NDST4: variants seen among roughly 807,000 people sequenced by gnomAD.
The protein encoded by NDST4 is N-heparan sulfate sulfotransferase 4.
In NDST4, 63 loss-of-function variants were observed where a neutral mutation model predicts 100.8. The ratio of observed to expected loss-of-function variants is 0.62; its 90% CI spans 0.51 to 0.77. NDST4 has a LOEUF of 0.77. Ranked by LOEUF, NDST4 falls within the 30% of genes least tolerant of loss-of-function variation. The pLI is 0.00. For synonymous variants in NDST4, 377 were observed against 361.8 expected, an observed-to-expected ratio of 1.04 and a Z score of -0.48; for missense variants, 943 against 1,018.4, an observed-to-expected ratio of 0.93 and a Z score of 1.01.
chr4:114,980,020 A>G (rs2126245534), intron 2 of NDST4, among the ~76,000 whole-genome samples: 1 of 152,276 alleles, frequency 6.6e-6, no homozygotes, highest in Non-Finnish European at 1.5e-5. Context: ...AAAATCAGAA[A>G]TAAATTTAAA....
intron 2 of NDST4, among the ~76,000 whole-genome samples, chr4:115,003,944 T>C (rs1016852912): frequency 6.6e-6 from 1 of 152,106 alleles, no homozygotes; most frequent in African/African-American, 2.4e-5. Flanking sequence ...AAATAGATGT[T>C]TCCCCTTCTT....
intron 13 of NDST4, among the ~76,000 whole-genome samples, chr4:114,829,287 C>T (rs1164359559): frequency 1.3e-5 from 2 of 152,058 alleles, no homozygotes; most frequent in South Asian, 2.1e-4. Context: ...TTTCGTTTGT[C>T]ATTGTTTTAC....
intron 4 of NDST4, 53 bp downstream of exon 4, chr4:114,970,374 TCCA>T (rs1454426857): frequency 2.0e-6 from 3 of 1,498,094 alleles, no homozygotes; most frequent in Non-Finnish European, 2.7e-6. Context: ...ATTTTACACT[TCCA>T]CCACAAGATC....
At chr4:115,048,741 G>C (rs1457981074) in intron 2 of NDST4, among the ~76,000 whole-genome samples, 1 of 152,062 alleles carries the variant, frequency 6.6e-6, no homozygotes, top group Non-Finnish European at 1.5e-5. Context: ...TGGTTCAAGC[G>C]ATTCTCCTGT....
chr4:115,004,426 G>A (rs1433108456), intron 2 of NDST4, among the ~76,000 whole-genome samples: 1 of 152,124 alleles, frequency 6.6e-6, no homozygotes, highest in African/African-American at 2.4e-5. Context: ...AAGCGAATTT[G>A]CAGACTGCTT....
chr4:114,955,236 G>A (rs1362503740), intron 4 of NDST4, among the ~76,000 whole-genome samples: 3 of 152,136 alleles, frequency 2.0e-5, no homozygotes, highest in Non-Finnish European at 4.4e-5. Flanking sequence ...GAACCTTGGG[G>A]TCAAGGTGAG....
At chr4:115,055,104 T>C (rs1728665974) in intron 2 of NDST4, among the ~76,000 whole-genome samples, 1 of 152,092 alleles carries the variant, frequency 6.6e-6, no homozygotes, top group Non-Finnish European at 1.5e-5. Flanking sequence ...TTGTAAACTG[T>C]ATATGCGAAG....
At chr4:115,069,817 AG>A (rs1276848986) in intron 2 of NDST4, among the ~76,000 whole-genome samples, 9 of 152,188 alleles carry the variant, frequency 5.9e-5, no homozygotes, top group Admixed American at 3.9e-4. Context: ...TGGGAGGTGG[AG>A]GTTGCAGTGA....
At chr4:115,059,392 A>G (rs1285923081) in intron 2 of NDST4, among the ~76,000 whole-genome samples, 1 of 152,094 alleles carries the variant, frequency 6.6e-6, no homozygotes, top group East Asian at 1.9e-4. Context: ...TTACCTTCAT[A>G]TGGAAAAGGG....
At chr4:114,986,617 G>T (rs1340836194) in intron 2 of NDST4, among the ~76,000 whole-genome samples, 1 of 151,496 alleles carries the variant, frequency 6.6e-6, no homozygotes, top group Non-Finnish European at 1.5e-5. Context: ...TCTGCGTCCT[G>T]CACTCTCTTC....
At chr4:114,996,106 T>G (rs560839344) in intron 2 of NDST4, among the ~76,000 whole-genome samples, 1 of 152,166 alleles carries the variant, frequency 6.6e-6, no homozygotes. Flanking sequence ...GTATCCCCAC[T>G]CAAATCTCAC....
intron 2 of NDST4, among the ~76,000 whole-genome samples, chr4:115,064,547 C>A (rs1728892362): frequency 6.6e-6 from 1 of 151,928 alleles, no homozygotes; most frequent in Non-Finnish European, 1.5e-5. Context: ...TTCCAAATTC[C>A]AGATAAATAT....
chr4:115,108,957 A>G (rs961555229), intron 1 of NDST4, among the ~76,000 whole-genome samples: 4 of 151,678 alleles, frequency 2.6e-5, no homozygotes, highest in Non-Finnish European at 5.9e-5. Context: ...GGAAGGAGGG[A>G]AAAAGGGAGG....
chr4:115,093,432 G>A (rs1244813683), intron 1 of NDST4, among the ~76,000 whole-genome samples: 3 of 151,690 alleles, frequency 2.0e-5, no homozygotes, highest in South Asian at 2.1e-4. Flanking sequence ...CTGAGATAGC[G>A]CCACTGCACT....
intron 2 of NDST4, among the ~76,000 whole-genome samples, chr4:114,980,022 A>G (rs1325405774): frequency 6.6e-6 from 1 of 152,158 alleles, no homozygotes; most frequent in Non-Finnish European, 1.5e-5. Context: ...AATCAGAAAT[A>G]AATTTAAAAG....
chr4:114,885,070 G>T (rs575210009), intron 6 of NDST4, among the ~76,000 whole-genome samples: 25 of 152,108 alleles, frequency 1.6e-4, no homozygotes, highest in African/African-American at 5.8e-4. Context: ...ATATAAATTG[G>T]GGTTTTGCTA....
Position 114,827,955 on chromosome 4 carries a change from A to G in NDST4, c.2500-20T>C, listed in dbSNP as rs746376366. On this transcript the variant is annotated intron_variant, in intron 13 of 13. Coordinates refer to ENST00000264363, the MANE Select transcript of NDST4 (RefSeq NM_022569.3). ...TCTAGACTGGAAAGAAAAAAAGAAGAACTTGAAAGAAGCTCTTTGTTTCAT... is the reference window on the plus strand; with the variant it reads ...TCTAGACTGGAAAGAAAAAAAGAAGGACTTGAAAGAAGCTCTTTGTTTCAT... The G allele has an allele frequency of 1.3e-6, 2 of 1,577,370 alleles. No individual in the cohort carries two copies. Among genetic ancestry groups the G allele is most frequent in the Non-Finnish European group, 8.6e-7 (1 of 1,168,874 alleles).
chr4:115,015,477 A>G (rs1448191598), intron 2 of NDST4, among the ~76,000 whole-genome samples: 1 of 152,104 alleles, frequency 6.6e-6, no homozygotes, highest in Non-Finnish European at 1.5e-5. Flanking sequence ...ATACTAATTC[A>G]TGGTCTGTGG....
At chr4:115,000,788 G>A (rs1235266858) in intron 2 of NDST4, among the ~76,000 whole-genome samples, 22 of 151,942 alleles carry the variant, frequency 1.4e-4, no homozygotes, top group Admixed American at 2.6e-4. Context: ...CCATTTGGTC[G>A]GCTATAACAA....
Sources: gnomAD v4.1 joint callset for allele counts (sites outside exome capture counted in the v4.1 genomes callset) on GRCh38, gnomAD v4.1.1 for gene constraint, MANE v1.5 for transcripts, NCBI Gene and HGNC (gene_info 2026-07-23, HGNC 2026-07-21) for gene names.